SGCD: variants seen among roughly 807,000 people sequenced by gnomAD.
SGCD encodes delta-sarcoglycan.
SGCD carries 18 observed loss-of-function variants against 36.6 expected under a neutral mutation model. The ratio of observed to expected loss-of-function variants is 0.49; its 90% CI spans 0.34 to 0.73. The LOEUF is 0.73. Among genes scored for constraint, SGCD ranks in the 30% least tolerant of loss-of-function variants. SGCD has a pLI of 0.01. For synonymous variants in SGCD, 133 were observed against 130.6 expected (o/e 1.02, Z -0.12); for missense variants, 387 against 346.7 (o/e 1.12, Z -0.92).
intron 3 of SGCD, among the ~76,000 whole-genome samples, chr5:156,486,120 C>T (rs1178265310): frequency 1.3e-5 from 2 of 152,052 alleles, no homozygotes; most frequent in Non-Finnish European, 2.9e-5. Flanking sequence ...CTATATCCTG[C>T]CCTGAGGCCC....
chr5:155,762,430 A>G, the SGCD span, among the ~76,000 whole-genome samples: 2 of 152,204 alleles, frequency 1.3e-5, no homozygotes, highest in African/African-American at 2.4e-5. Context: ...TTTCTCCCTG[A>G]TAATAACTAT....
intron 4 of SGCD, among the ~76,000 whole-genome samples, chr5:156,522,359 A>G (rs1036300574): frequency 3.9e-5 from 6 of 152,298 alleles, no homozygotes; most frequent in Non-Finnish European, 1.5e-5. Flanking sequence ...AAAGATACTA[A>G]AAAAGAAAAT....
At chr5:156,355,163 C>A (rs1358719146) in intron 3 of SGCD, among the ~76,000 whole-genome samples, 2 of 152,180 alleles carry the variant, frequency 1.3e-5, no homozygotes, top group African/African-American at 4.8e-5. Flanking sequence ...AATCTAATGT[C>A]CTACTTCTTA....
At chr5:155,782,226 T>C in the SGCD span, among the ~76,000 whole-genome samples, 166 of 152,156 alleles carry the variant, frequency 1.1e-3, no homozygotes, top group Non-Finnish European at 1.6e-3. Context: ...CGTTTTGTCA[T>C]GTTAGCCAGG....
At chr5:155,973,434 T>C (rs1345107549) in intron 1 of SGCD, among the ~76,000 whole-genome samples, 1 of 152,194 alleles carries the variant, frequency 6.6e-6, no homozygotes, top group Non-Finnish European at 1.5e-5. Flanking sequence ...TCTTAGAAAG[T>C]TTCATGCTTC....
chr5:156,332,462 C>T (rs1458515172), intron 2 of SGCD, among the ~76,000 whole-genome samples: 1 of 152,140 alleles, frequency 6.6e-6, no homozygotes, highest in East Asian at 1.9e-4. Context: ...CGCTATCTGA[C>T]CTGTACATGT....
At chr5:156,207,332 A>G (rs1764307411) in intron 3 of SGCD, among the ~76,000 whole-genome samples, 1 of 152,292 alleles carries the variant, frequency 6.6e-6, no homozygotes, top group South Asian at 2.1e-4. Context: ...GGGGCCCAGC[A>G]CTGTACTTTA....
the SGCD span, among the ~76,000 whole-genome samples, chr5:155,800,982 G>A: frequency 6.6e-6 from 1 of 152,032 alleles, no homozygotes; most frequent in Admixed American, 6.6e-5. Flanking sequence ...AATCATTTAA[G>A]TTCCAGGATG....
intron 1 of SGCD, among the ~76,000 whole-genome samples, chr5:156,002,434 C>T (rs1276193290): frequency 6.6e-6 from 1 of 152,170 alleles, no homozygotes; most frequent in East Asian, 1.9e-4. Flanking sequence ...ACAGTCCTCG[C>T]CAAGTAATAT....
At chr5:156,428,957 A>G (rs1270080316) in intron 3 of SGCD, among the ~76,000 whole-genome samples, 1 of 152,030 alleles carries the variant, frequency 6.6e-6, no homozygotes, top group African/African-American at 2.4e-5. Context: ...GACTTAGCAT[A>G]TGGTCTATCT....
rs1312719355 is a variant in SGCD, at chr5:156,758,045, C to T, written c.699+341C>T. The T allele has an allele frequency of 3.9e-6, 4 of 1,036,558 alleles. No individual in the cohort carries two copies. The Admixed American group carries it at 1.6e-4, about 40-fold the overall frequency. 64.2% of individuals were successfully genotyped at this position (1,036,558 alleles called of 1,614,324 possible). ...ATTAAGCTGTATATATTATACACAT[C>T]TGGCTCAAGATGAACTTAATTTACT... On this transcript the variant is annotated intron_variant, in intron 8 of 8. Transcript: ENST00000337851.
chr5:156,743,122 T>G (rs895380185), intron 7 of SGCD, among the ~76,000 whole-genome samples: 11 of 151,560 alleles, frequency 7.3e-5, no homozygotes, highest in Non-Finnish European at 1.2e-4. Context: ...TTTTTTTTTT[T>G]TTTTTTGAGA....
chr5:156,663,004 T>A (rs1464091792), intron 7 of SGCD, among the ~76,000 whole-genome samples: 1 of 150,590 alleles, frequency 6.6e-6, no homozygotes, highest in African/African-American at 2.5e-5. Context: ...TTTCTTGATT[T>A]ATTTTAGCCT....
At chr5:156,681,014 C>G (rs147723436) in intron 7 of SGCD, among the ~76,000 whole-genome samples, 132 of 152,240 alleles carry the variant, frequency 8.7e-4, no homozygotes, top group Middle Eastern at 3.4e-3. Context: ...CTGGCAGAAG[C>G]AGGCTCTCTG....
intron 6 of SGCD, among the ~76,000 whole-genome samples, chr5:156,642,343 C>T (rs965840773): frequency 3.3e-5 from 5 of 152,098 alleles, no homozygotes; most frequent in African/African-American, 1.2e-4. Flanking sequence ...CAAGTCAGAT[C>T]CCCTGCTTAA....
intron 3 of SGCD, among the ~76,000 whole-genome samples, chr5:156,144,187 G>A (rs1004108633): frequency 4.1e-4 from 62 of 151,994 alleles, no homozygotes; most frequent in African/African-American, 1.2e-3. Flanking sequence ...GAATAGTGCC[G>A]CAATAAACAT....
the SGCD span, among the ~76,000 whole-genome samples, chr5:155,770,498 G>A: frequency 4.1e-4 from 62 of 152,274 alleles, 1 homozygote; most frequent in African/African-American, 1.4e-3. Context: ...GGAGAAAGAT[G>A]ATTGAAAGGC....
At chr5:156,335,571 A>G (rs1490783987) in intron 2 of SGCD, among the ~76,000 whole-genome samples, 1 of 151,736 alleles carries the variant, frequency 6.6e-6, no homozygotes, top group East Asian at 1.9e-4. Context: ...TTATCTCACT[A>G]CCTCTTACCA....
chr5:156,758,763 C>T (rs1357666478), intron 8 of SGCD, among the ~76,000 whole-genome samples: 1 of 151,004 alleles, frequency 6.6e-6, no homozygotes, highest in Non-Finnish European at 1.5e-5. Context: ...ATTCTATAGA[C>T]CATCAGCCCC....
Sources: allele counts gnomAD v4.1 joint callset (sites outside exome capture counted in the v4.1 genomes callset), GRCh38; gene constraint gnomAD v4.1.1; transcripts MANE v1.5; gene names NCBI Gene and HGNC (gene_info 2026-07-23, HGNC 2026-07-21).